The following RNF180 variants were observed in gnomAD, a reference collection of about 807,000 sequenced individuals.
RNF180 encodes the protein E3 ubiquitin-protein ligase RNF180.
Under a neutral mutation model 59.2 loss-of-function variants are expected in RNF180, and 38 were observed. The observed-to-expected ratio is 0.64, with a 90% confidence interval of 0.50 to 0.84. The LOEUF is 0.84. Among genes scored for constraint, RNF180 ranks in the 40% least tolerant of loss-of-function variants. The pLI is 0.00. For missense variants in RNF180, 705 were observed against 700.9 expected (o/e 1.01, Z -0.07); for synonymous variants, 262 against 240.3 (o/e 1.09, Z -0.84).
At chr5:64,170,978 A>G (rs1014505838) in intron 1 of RNF180, among the ~76,000 whole-genome samples, 3 of 152,344 alleles carry the variant, frequency 2.0e-5, no homozygotes, top group Non-Finnish European at 4.4e-5. Flanking sequence ...GGCATAGTGC[A>G]TTAAGAATGT....
intron 5 of RNF180, among the ~76,000 whole-genome samples, chr5:64,250,992 T>A (rs1743537147): frequency 6.6e-6 from 1 of 152,086 alleles, no homozygotes; most frequent in South Asian, 2.1e-4. Flanking sequence ...CAACATCACA[T>A]TAAAAAGATC....
At position 64,235,621 on chromosome 5, in the gene RNF180, C is replaced by T. The variant is rs777396407; in HGVS notation, c.1227+18225C>T. Among the ~76,000 whole-genome samples the T allele has an allele frequency of 6.8e-4, 103 of 151,918 alleles. 1 individual carries two copies. The highest frequency in any genetic ancestry group is 2.4e-3 in the Admixed American group (36 of 15,224). On this transcript the variant is annotated intron_variant, in intron 5 of 7. Coordinates refer to ENST00000389100, the MANE Select transcript of RNF180 (RefSeq NM_001113561.2). ...AGACAACACCGTATTGAAGTTCTTA[C>T]CACTTTTCCTGAATTTCTATCTAAA... is the stretch of plus-strand genomic sequence containing the variant.
At chr5:64,325,581 G>C (rs1393587517) in intron 6 of RNF180, among the ~76,000 whole-genome samples, 170 bp downstream of exon 6, 3 of 152,138 alleles carry the variant, frequency 2.0e-5, no homozygotes, top group African/African-American at 7.2e-5. Context: ...AATCATAGAT[G>C]AGAATAGATC....
At chr5:64,216,369 A>G (rs1387311547) in intron 4 of RNF180, among the ~76,000 whole-genome samples, 2 of 152,192 alleles carry the variant, frequency 1.3e-5, no homozygotes, top group African/African-American at 4.8e-5. Flanking sequence ...TCCATATTTA[A>G]TAAAGATTAT....
At chr5:64,356,657 A>G (rs893533131) in intron 7 of RNF180, among the ~76,000 whole-genome samples, 2 of 151,928 alleles carry the variant, frequency 1.3e-5, no homozygotes, top group African/African-American at 4.8e-5. Context: ...ATAGGTAAAA[A>G]GGAGTAAAAG....
intron 7 of RNF180, among the ~76,000 whole-genome samples, chr5:64,349,020 T>C (rs566747556): frequency 6.7e-4 from 102 of 152,236 alleles, no homozygotes; most frequent in Non-Finnish European, 1.2e-3. Flanking sequence ...TTGTTTTGTT[T>C]AAAAAAGATT....
At chr5:64,286,655 A>C (rs568943395) in intron 5 of RNF180, among the ~76,000 whole-genome samples, 51 of 152,378 alleles carry the variant, frequency 3.3e-4, no homozygotes, top group Admixed American at 9.8e-4. Flanking sequence ...CATTGTGCGA[A>C]GCACTCTATT....
chr5:64,310,367 C>T lies in RNF180; in HGVS notation c.1228-14819C>T, dbSNP rs150075026. ...GGCTACAGGGGCACACATAGTCTGC[C>T]TACCATGTTATTGTAGATGACATTT... On this transcript the variant is annotated intron_variant, in intron 5 of 7. Transcript: ENST00000389100. Among the ~76,000 whole-genome samples the T allele has an allele frequency of 1.5e-3, 224 of 151,758 alleles. 1 individual carries two copies. Among genetic ancestry groups the T allele is most frequent in the African/African-American group, 5.2e-3 (215 of 41,470 alleles).
At chr5:64,267,045 G>A (rs1303439480) in intron 5 of RNF180, among the ~76,000 whole-genome samples, 1 of 152,062 alleles carries the variant, frequency 6.6e-6, no homozygotes, top group African/African-American at 2.4e-5. Context: ...TGCTGCATCA[G>A]ACTGTGGTGA....
intron 7 of RNF180, among the ~76,000 whole-genome samples, chr5:64,348,332 T>C (rs768090291): frequency 1.3e-5 from 2 of 152,120 alleles, no homozygotes; most frequent in African/African-American, 4.8e-5. Context: ...AAAGAGAACT[T>C]AGAATTTCAA....
chr5:64,203,314 A>G (rs147480733), intron 2 of RNF180, among the ~76,000 whole-genome samples: 1 of 152,168 alleles, frequency 6.6e-6, no homozygotes, highest in Non-Finnish European at 1.5e-5. Context: ...ATGTGAACAT[A>G]TATATGTTTG....
At chr5:64,236,918 G>C (rs1414890242) in intron 5 of RNF180, among the ~76,000 whole-genome samples, 4 of 152,176 alleles carry the variant, frequency 2.6e-5, no homozygotes, top group African/African-American at 9.7e-5. Context: ...CCTCCACCTA[G>C]ATTTCAGAGT....
At chr5:64,323,877 G>A (rs1356680257) in intron 5 of RNF180, among the ~76,000 whole-genome samples, 1 of 152,104 alleles carries the variant, frequency 6.6e-6, no homozygotes. Context: ...TAACCTCTGA[G>A]CTGCCTCTTT....
At chr5:64,229,265 C>T (rs1741971019) in intron 5 of RNF180, among the ~76,000 whole-genome samples, 1 of 152,112 alleles carries the variant, frequency 6.6e-6, no homozygotes, top group African/African-American at 2.4e-5. Flanking sequence ...TCTGTGCTGT[C>T]CTGAAATATG....
At chr5:64,244,886 A>T (rs917964807) in intron 5 of RNF180, among the ~76,000 whole-genome samples, 11 of 152,048 alleles carry the variant, frequency 7.2e-5, no homozygotes, top group African/African-American at 2.2e-4. Context: ...CTAACAGTGG[A>T]TTTCTCTGCA....
chr5:64,342,317 C>G (rs1468203745), intron 7 of RNF180, among the ~76,000 whole-genome samples: 1 of 152,106 alleles, frequency 6.6e-6, no homozygotes, highest in African/African-American at 2.4e-5. Context: ...CAGCTCTTTG[C>G]TTTACTGGAA....
At chr5:64,369,049 T>G (rs1746557908) in intron 7 of RNF180, among the ~76,000 whole-genome samples, 1 of 152,038 alleles carries the variant, frequency 6.6e-6, no homozygotes, top group Non-Finnish European at 1.5e-5. Flanking sequence ...AGCAAAGACT[T>G]GGAACCAACC....
intron 5 of RNF180, among the ~76,000 whole-genome samples, chr5:64,269,363 G>A (rs923648306): frequency 5.3e-5 from 8 of 152,150 alleles, no homozygotes; most frequent in Non-Finnish European, 1.2e-4. Flanking sequence ...TTTTAAAAGA[G>A]GAAGTGTGTG....
At chr5:64,327,572 A>G (rs1319673813) in intron 6 of RNF180, among the ~76,000 whole-genome samples, 2 of 152,228 alleles carry the variant, frequency 1.3e-5, no homozygotes, top group South Asian at 2.1e-4. Context: ...ATGTCCACAT[A>G]TTTGTATAGT....
Sources: allele counts gnomAD v4.1 joint callset (sites outside exome capture counted in the v4.1 genomes callset), GRCh38; gene constraint gnomAD v4.1.1; transcripts MANE v1.5; gene names NCBI Gene and HGNC (gene_info 2026-07-23, HGNC 2026-07-21).